Variants in STK17B observed in about 807,000 individuals in gnomAD.
STK17B encodes serine/threonine-protein kinase 17B.
STK17B carries 21 observed loss-of-function variants against 42.0 expected under a neutral mutation model. The ratio of observed to expected loss-of-function variants is 0.50; its 90% CI spans 0.35 to 0.72. STK17B has a LOEUF of 0.72. STK17B is among the 30% of genes least tolerant of loss of function. STK17B has a pLI of 0.00. For synonymous variants in STK17B, 143 were observed against 148.4 expected (o/e 0.96, Z 0.26); for missense variants, 349 against 446.0 (o/e 0.78, Z 1.96).
chr2:196,140,859 G>C (rs1039128979), intron 6 of STK17B, among the ~76,000 whole-genome samples: 3 of 152,024 alleles, frequency 2.0e-5, no homozygotes, highest in Admixed American at 2.0e-4. Flanking sequence ...CACCACGCCC[G>C]GCCAACTCTT....
chr2:196,173,779 T>C (rs756483709), upstream of STK17B, among the ~76,000 whole-genome samples: 63 of 152,178 alleles, frequency 4.1e-4, no homozygotes, highest in Non-Finnish European at 7.5e-4. Context: ...AATGACACAT[T>C]CCGACCAGGG....
At chr2:196,141,919 TA>T (rs71009078) in intron 5 of STK17B, among the ~76,000 whole-genome samples, 97,468 of 151,444 alleles carry the variant, frequency 0.64, 31,651 homozygotes, top group East Asian at 0.9. Context: ...AGCTAGAATT[TA>T]AAAAAAAAAT....
chr2:196,137,427 A>G lies in STK17B; in HGVS notation c.*20T>C, dbSNP rs745859284. The G allele has an allele frequency of 6.2e-7, 1 of 1,606,614 alleles. No homozygotes were observed. The highest frequency in any genetic ancestry group is 8.5e-7 in the Non-Finnish European group (1 of 1,176,674). ...ATATAAAATTTCAAATTCAGTCCAA[A>G]TGAGTCAAAGAAAAAAGTGCTAACA... On this transcript the variant is annotated 3_prime_UTR_variant, in exon 8 of 8. Coordinates refer to ENST00000263955, the MANE Select transcript of STK17B (RefSeq NM_004226.4).
In STK17B at chr2:196,142,905, T is replaced by C. The variant is rs1040861045; in HGVS notation, c.607+655A>G. Among the ~76,000 whole-genome samples, 3 of 152,236 alleles carry C rather than the reference T, an allele frequency of 2.0e-5. No individual in the cohort carries two copies. In the South Asian group the frequency reaches 6.2e-4, roughly 31 times the overall value. Reference sequence around the variant, plus strand: ...AAAGAAAAAAGATTATAAGTTAAAATACTTCAAATTTATATACTGCTTCAT... The same window carrying C: ...AAAGAAAAAAGATTATAAGTTAAAACACTTCAAATTTATATACTGCTTCAT... On this transcript the variant is annotated intron_variant, in intron 5 of 7. Coordinates refer to ENST00000263955, the MANE Select transcript of STK17B (RefSeq NM_004226.4).
At chr2:196,159,251 ATTTAT>A (rs952874816) in intron 2 of STK17B, among the ~76,000 whole-genome samples, 8 of 151,366 alleles carry the variant, frequency 5.3e-5, no homozygotes, top group Non-Finnish European at 1.2e-4. Flanking sequence ...TAATTTTATT[ATTTAT>A]TTTATCTGTA....
At chr2:196,152,220 C>T (rs1468734225) in intron 3 of STK17B, among the ~76,000 whole-genome samples, 1 of 151,966 alleles carries the variant, frequency 6.6e-6, no homozygotes, top group Non-Finnish European at 1.5e-5. Context: ...AATTCTCCTG[C>T]CTCAGCCTCC....
rs989616879 is a variant in STK17B at position 196,165,158 on chromosome 2, G to A, written c.-44-1731C>T. On this transcript the variant is annotated intron_variant, in intron 1 of 7. Transcript: ENST00000263955. ...ACAGGGCCTTTAAAAAGGTGATTAA[G>A]TTAAAATGAGGTCATTAAAGTGGGC... Among the ~76,000 whole-genome samples the A allele has an allele frequency of 2.0e-5, 3 of 152,134 alleles. No individual in the cohort carries two copies. The South Asian group carries it at 6.2e-4, about 32-fold the overall frequency.
chr2:196,151,282 C>T (rs774331382), intron 3 of STK17B: 13 of 151,774 alleles, frequency 8.6e-5, no homozygotes, highest in Admixed American at 2.6e-4. Context: ...CTCGCTCTGT[C>T]GCCCAGACTG....
upstream of STK17B, chr2:196,174,389 C>T: frequency 6.6e-6 from 1 of 152,278 alleles, no homozygotes; most frequent in Non-Finnish European, 1.5e-5. Flanking sequence ...GTGATTCTCA[C>T]CGATTCCATG....
In STK17B at chr2:196,138,778, A is replaced by G. The variant is rs1699447956; in HGVS notation, c.836+842T>C. On this transcript the variant is annotated intron_variant, in intron 7 of 7. Coordinates refer to ENST00000263955, the MANE Select transcript of STK17B (RefSeq NM_004226.4). Reference sequence around the variant, plus strand: ...TTTAGTAGAGATGGTGTTTCACTATATTGGCCAGGCTAGTCTCGAACTCCT... The same window carrying G: ...TTTAGTAGAGATGGTGTTTCACTATGTTGGCCAGGCTAGTCTCGAACTCCT... Among the ~76,000 whole-genome samples the G allele has an allele frequency of 2.0e-5, 3 of 151,398 alleles. No homozygotes were observed. The South Asian group carries it at 6.3e-4, about 32-fold the overall frequency.
At chr2:196,146,121 T>C in intron 3 of STK17B, 66 bp from the exon 4 acceptor site, 1 of 1,436,764 alleles carries the variant, frequency 7.0e-7, no homozygotes, top group Non-Finnish European at 9.2e-7. Flanking sequence ...AAATATTGTG[T>C]ACCTGTTAAG....
chr2:196,165,020 CTTAA>C (rs1393331442), intron 1 of STK17B, among the ~76,000 whole-genome samples: 2 of 152,088 alleles, frequency 1.3e-5, no homozygotes, highest in Non-Finnish European at 1.5e-5. Context: ...GCTATGAGAC[CTTAA>C]TTAAATTATT....
At chr2:196,173,541 A>G (rs970390102), upstream of STK17B, among the ~76,000 whole-genome samples, 3 of 152,228 alleles carry the variant, frequency 2.0e-5, no homozygotes, top group African/African-American at 7.2e-5. Context: ...TTCAAGTAAC[A>G]AGGAATTCCT....
At chr2:196,172,753 T>C (rs182821534), upstream of STK17B, among the ~76,000 whole-genome samples, 36 of 152,318 alleles carry the variant, frequency 2.4e-4, no homozygotes, top group African/African-American at 8.4e-4. Context: ...ATGGAGAATA[T>C]TGCTTCCATC....
intron 3 of STK17B, among the ~76,000 whole-genome samples, chr2:196,147,605 T>C (rs16845752): frequency 0.018 from 2,716 of 151,090 alleles, 70 homozygotes; most frequent in African/African-American, 0.061. Context: ...GCTTTACACT[T>C]TCTGACTTTG....
chr2:196,138,270 T>C (rs1358745842), intron 7 of STK17B, among the ~76,000 whole-genome samples: 1 of 152,232 alleles, frequency 6.6e-6, no homozygotes, highest in African/African-American at 2.4e-5. Context: ...TCCATGTTTC[T>C]GCAATTTGCT....
upstream of STK17B, chr2:196,176,479 G>C (rs1699997532): frequency 6.6e-6 from 1 of 152,334 alleles, no homozygotes; most frequent in East Asian, 1.9e-4. Flanking sequence ...GTTCTACCTC[G>C]TGAGAAGCTG....
At chr2:196,175,362 A>G (rs1044206194), upstream of STK17B, among the ~76,000 whole-genome samples, 1 of 152,246 alleles carries the variant, frequency 6.6e-6, no homozygotes, top group African/African-American at 2.4e-5. Flanking sequence ...GTGGTGGCTC[A>G]TATCTGTAAT....
chr2:196,158,174 CTT>C (rs1699763151), intron 2 of STK17B, among the ~76,000 whole-genome samples: 5 of 152,150 alleles, frequency 3.3e-5, no homozygotes, highest in Admixed American at 3.3e-4. Context: ...CTATCAGACT[CTT>C]AGCATGGAAA....
Sources: gnomAD v4.1 joint callset for allele counts (sites outside exome capture counted in the v4.1 genomes callset) on GRCh38, gnomAD v4.1.1 for gene constraint, MANE v1.5 for transcripts, NCBI Gene and HGNC (gene_info 2026-07-23, HGNC 2026-07-21) for gene names.